Variants in EYS observed in about 807,000 individuals in gnomAD.
The protein encoded by EYS is EGF-like photoreceptor maintenance factor, also known as protein eyes shut homolog.
Under a neutral mutation model 282.1 loss-of-function variants are expected in EYS, and 250 were observed. That is an observed-to-expected ratio of 0.89 (90% CI 0.80 to 0.98). The LOEUF (loss-of-function observed/expected upper bound fraction) is 0.98, where lower values mean the gene tolerates loss of function less well. Ranked by LOEUF, EYS falls within the 50% of genes least tolerant of loss-of-function variation. EYS has a pLI of 0.00. For synonymous variants in EYS, 1,355 were observed against 1,282.9 expected, an observed-to-expected ratio of 1.06 and a Z score of -1.20; for missense variants, 4,016 against 3,709.0, an observed-to-expected ratio of 1.08 and a Z score of -2.15.
At chr6:64,547,184 G>T (rs1030793985) in intron 26 of EYS, among the ~76,000 whole-genome samples, 2 of 152,124 alleles carry the variant, frequency 1.3e-5, no homozygotes, top group African/African-American at 4.8e-5. Context: ...AAGATTTATT[G>T]CAAAGAGTGA....
At chr6:65,330,302 T>C (rs929762451) in intron 11 of EYS, 41 of 960,586 alleles carry the variant, frequency 4.3e-5, no homozygotes, top group Non-Finnish European at 4.7e-5. Flanking sequence ...TTTCATTCTG[T>C]TATGATATTT....
At chr6:64,350,488 A>G (rs952574590) in intron 29 of EYS, among the ~76,000 whole-genome samples, 1 of 151,554 alleles carries the variant, frequency 6.6e-6, no homozygotes, top group African/African-American at 2.4e-5. Context: ...CTTTGAAAAC[A>G]TAAGGAGAGA....
Position 64,627,184 on chromosome 6 carries a change from G to C in EYS, c.3444-939C>G, listed in dbSNP as rs114041308. On this transcript the variant is annotated intron_variant, in intron 22 of 42. Transcript: ENST00000503581. ...TTTTATGAATGCTAAGAATACAAACGTAAGTAAAACTCTGTGTCTGCCTTC... is the reference window on the plus strand; with the variant it reads ...TTTTATGAATGCTAAGAATACAAACCTAAGTAAAACTCTGTGTCTGCCTTC... 7.4e-3 allele frequency among the ~76,000 whole-genome samples: 1,130 copies of C among 152,264 alleles called. 20 individuals are homozygous for C. Among genetic ancestry groups the C allele is most frequent in the African/African-American group, 0.026 (1,073 of 41,568 alleles).
chr6:63,721,160 T>C lies in EYS; in HGVS notation c.8871A>G (p.Ala2957=), dbSNP rs1768368829. Residue 2957 remains alanine (A), a synonymous_variant, in exon 43 of 43, where the codon GCA becomes GCG. Transcript: ENST00000503581. ...TAATGTAAGAATTACCCATAAATTT[T>C]GCAGTTGAAAATGAAGTTTTGTTTT... is the stretch of plus-strand genomic sequence containing the variant. ...YCENKTSFST[A]KFMGNSYIKY... 12 of 1,551,602 alleles carry C rather than the reference T, an allele frequency of 7.7e-6. No homozygotes were observed. Among genetic ancestry groups the C allele is most frequent in the Non-Finnish European group, 9.6e-6 (11 of 1,146,882 alleles).
At chr6:63,924,795 T>G (rs1208629234) in intron 35 of EYS, among the ~76,000 whole-genome samples, 2 of 152,206 alleles carry the variant, frequency 1.3e-5, no homozygotes, top group Non-Finnish European at 2.9e-5. Context: ...AAATTAGAAT[T>G]TATCTTCTCA....
At chr6:64,691,926 G>A (rs76978644) in intron 22 of EYS, among the ~76,000 whole-genome samples, 4,374 of 152,066 alleles carry the variant, frequency 0.029, 129 homozygotes, top group East Asian at 0.14. Context: ...TTGGTTTCAC[G>A]TTTTTGTTCT....
chr6:65,494,464 G>C (rs1766160114), intron 4 of EYS, among the ~76,000 whole-genome samples, 199 bp downstream of exon 4: 1 of 151,346 alleles, frequency 6.6e-6, no homozygotes, highest in African/African-American at 2.4e-5. Context: ...TGTATTTTTA[G>C]TAGAGACGGG....
intron 12 of EYS, among the ~76,000 whole-genome samples, chr6:65,240,753 A>G (rs1767038186): frequency 6.6e-6 from 1 of 152,192 alleles, no homozygotes; most frequent in Non-Finnish European, 1.5e-5. Flanking sequence ...ATACAATTGC[A>G]TGTGTCTTTT....
chr6:64,192,367 C>T (rs1765141822), intron 31 of EYS, among the ~76,000 whole-genome samples: 1 of 152,098 alleles, frequency 6.6e-6, no homozygotes, highest in East Asian at 1.9e-4. Flanking sequence ...GCTTTTGTTG[C>T]CATTGCTTTT....
At chr6:64,179,685 G>A (rs1213488466) in intron 31 of EYS, among the ~76,000 whole-genome samples, 1 of 152,020 alleles carries the variant, frequency 6.6e-6, no homozygotes, top group Non-Finnish European at 1.5e-5. Context: ...ATTCTTTCAG[G>A]GTGCTAATTG....
chr6:65,576,816 T>C (rs1277904644), intron 2 of EYS, among the ~76,000 whole-genome samples: 1 of 151,678 alleles, frequency 6.6e-6, no homozygotes, highest in Non-Finnish European at 1.5e-5. Context: ...AATAAGATTA[T>C]TCACCACAGC....
At chr6:65,141,600 C>G (rs904994741) in intron 12 of EYS, among the ~76,000 whole-genome samples, 1 of 151,906 alleles carries the variant, frequency 6.6e-6, no homozygotes, top group Non-Finnish European at 1.5e-5. Context: ...TCCAAACACA[C>G]ATCTATTCAA....
chr6:65,698,743 C>T (rs1769548433), intron 1 of EYS, among the ~76,000 whole-genome samples: 1 of 152,086 alleles, frequency 6.6e-6, no homozygotes, highest in South Asian at 2.1e-4. Flanking sequence ...CTTTGACTTC[C>T]TCATATACCT....
At position 63,788,261 on chromosome 6, in the gene EYS, A is replaced by G. The variant is rs867005897; in HGVS notation, c.7579-12T>C. The G allele has an allele frequency of 1.1e-5, 16 of 1,512,218 alleles. 1 individual carries two copies. Among genetic ancestry groups the G allele is most frequent in the Middle Eastern group, 1.7e-4 (1 of 5,936 alleles). The allele number at this position is 1,512,218 out of a possible 1,614,324, so 93.7% of individuals were successfully genotyped here. A position where few individuals can be genotyped will look rare whatever the true frequency, so the allele number is the denominator to read the frequency against. ...TTATGATCATCTACCTTCGAAAGGG[A>G]AAAAAAACCTATTAAAAAAGGAATT... On this transcript the variant is annotated splice_polypyrimidine_tract_variant and intron_variant, in intron 38 of 42. Coordinates refer to ENST00000503581, the MANE Select transcript of EYS (RefSeq NM_001142800.2).
At chr6:65,297,453 A>G (rs1768697922) in intron 11 of EYS, among the ~76,000 whole-genome samples, 2 of 151,974 alleles carry the variant, frequency 1.3e-5, no homozygotes, top group African/African-American at 4.8e-5. Context: ...TTGTAGTTGT[A>G]AAGAACTTAG....
chr6:65,685,062 T>G (rs1317612302), intron 1 of EYS, among the ~76,000 whole-genome samples: 2 of 151,994 alleles, frequency 1.3e-5, no homozygotes, highest in Non-Finnish European at 2.9e-5. Context: ...GTTATTTTTA[T>G]GTAGTCCAAC....
chr6:65,516,841 G>A (rs994435311), intron 2 of EYS, among the ~76,000 whole-genome samples: 4 of 152,008 alleles, frequency 2.6e-5, no homozygotes, highest in African/African-American at 4.8e-5. Flanking sequence ...AAGAGTTTAT[G>A]AGAAAACAAA....
chr6:64,433,519 A>T (rs1028378443), intron 28 of EYS, among the ~76,000 whole-genome samples: 1 of 152,028 alleles, frequency 6.6e-6, no homozygotes, highest in African/African-American at 2.4e-5. Flanking sequence ...ATTTTTTATT[A>T]CTTCAAACAA....
At chr6:64,310,786 GAA>G (rs954378022) in intron 29 of EYS, among the ~76,000 whole-genome samples, 2 of 152,082 alleles carry the variant, frequency 1.3e-5, no homozygotes, top group African/African-American at 4.8e-5. Context: ...GAGAGAGAGA[GAA>G]AGGGAACTGA....
Sources: gnomAD v4.1 joint callset for allele counts (sites outside exome capture counted in the v4.1 genomes callset) on GRCh38, gnomAD v4.1.1 for gene constraint, MANE v1.5 for transcripts, NCBI Gene and HGNC (gene_info 2026-07-23, HGNC 2026-07-21) for gene names.